STK24: variants seen among roughly 807,000 people sequenced by gnomAD.
STK24 encodes serine/threonine-protein kinase 24.
Under a neutral mutation model 55.6 loss-of-function variants are expected in STK24, and 21 were observed. The observed-to-expected ratio is 0.38, with a 90% CI of 0.27 to 0.54. The LOEUF (loss-of-function observed/expected upper bound fraction) is 0.54, where lower values mean the gene tolerates loss of function less well. Among genes scored for constraint, STK24 ranks in the 20% least tolerant of loss-of-function variants. The probability of loss-of-function intolerance (pLI) is 0.79; values close to 1 mark genes in which losing one functional copy is unlikely to be tolerated. For missense variants in STK24, 383 were observed against 538.4 expected (o/e 0.71, Z 2.86); for synonymous variants, 200 against 215.2 (o/e 0.93, Z 0.62).
At chr13:98,456,329 C>A (rs1461288498) in intron 10 of STK24, 7 of 362,672 alleles carry the variant, frequency 1.9e-5, no homozygotes. Flanking sequence ...CCCAGAAATC[C>A]CCCTCATGAT....
Position 98,453,038 on chromosome 13 carries a change from G to A in STK24, c.*135C>T. 2 of 928,442 alleles carry A rather than the reference G, an allele frequency of 2.2e-6. No individual in the cohort carries two copies. The highest frequency in any genetic ancestry group is 3.3e-6 in the Non-Finnish European group (2 of 607,886). The allele number at this position is 928,442 out of a possible 1,614,324, so 57.5% of individuals were successfully genotyped here. A position where few individuals can be genotyped will look rare whatever the true frequency, so the allele number is the denominator to read the frequency against. ...TGAAGACTGTGTGTGTCCCTGGACG[G>A]GCGCCTGGCGCTGGGGTGGCTCCCA... On this transcript the variant is annotated 3_prime_UTR_variant, in exon 11 of 11. Transcript: ENST00000539966.
chr13:98,497,674 T>C (rs1433116709), intron 2 of STK24, among the ~76,000 whole-genome samples: 5 of 152,218 alleles, frequency 3.3e-5, no homozygotes, highest in Non-Finnish European at 2.9e-5. Context: ...ACAAATTCTG[T>C]GGACCACCCA....
intron 10 of STK24, 21 bp from the exon 11 acceptor site, chr13:98,453,230 AG>A: frequency 6.2e-7 from 1 of 1,611,302 alleles, no homozygotes; most frequent in Non-Finnish European, 8.5e-7. Flanking sequence ...AGAGAGAGAG[AG>A]AAGTCAACAC....
At chr13:98,511,775 G>A (rs1365819088) in intron 2 of STK24, among the ~76,000 whole-genome samples, 2 of 150,148 alleles carry the variant, frequency 1.3e-5, no homozygotes, top group African/African-American at 4.9e-5. Context: ...GCCATGGGCG[G>A]GGGATGGTTC....
At chr13:98,476,240 G>GCCCCCCCCCCCCCCCCCCC (rs138129188) in intron 3 of STK24, among the ~76,000 whole-genome samples, 1 of 141,596 alleles carries the variant, frequency 7.1e-6, no homozygotes, top group Non-Finnish European at 1.5e-5. Context: ...CAGACGGGAA[G>GCCCCCCCCCCCCCCCCCCC]CCCCCCCCCG....
chr13:98,540,996 T>C (rs906271249), intron 1 of STK24, among the ~76,000 whole-genome samples: 7 of 152,100 alleles, frequency 4.6e-5, no homozygotes, highest in Admixed American at 2.0e-4. Context: ...CAAACCTCTG[T>C]GATTTAGCAG....
At chr13:98,453,288 C>CTTA in intron 10 of STK24, 79 bp from the exon 11 acceptor site, 1 of 1,442,332 alleles carries the variant, frequency 6.9e-7, no homozygotes, top group Admixed American at 2.1e-5. Context: ...TAACCAAAAT[C>CTTA]TTAGTTTTCA....
intron 1 of STK24, among the ~76,000 whole-genome samples, chr13:98,550,821 C>T (rs1198921842): frequency 5.3e-5 from 8 of 152,160 alleles, no homozygotes; most frequent in Non-Finnish European, 2.9e-5. Flanking sequence ...ATCATTTATA[C>T]AGCTTACTGC....
intron 3 of STK24, among the ~76,000 whole-genome samples, chr13:98,480,958 A>C (rs1231522914): frequency 6.6e-6 from 1 of 152,186 alleles, no homozygotes; most frequent in Admixed American, 6.5e-5. Context: ...ATGCTAAAGT[A>C]ACACAGCTAA....
intron 1 of STK24, among the ~76,000 whole-genome samples, chr13:98,569,427 C>A (rs72646407): frequency 1.3e-3 from 170 of 131,474 alleles, no homozygotes; most frequent in East Asian, 3.4e-3. Flanking sequence ...AAAAAAAAAA[C>A]AAAAAAAAAC....
intron 1 of STK24, among the ~76,000 whole-genome samples, chr13:98,566,554 C>G (rs1452487265): frequency 2.0e-5 from 3 of 152,252 alleles, no homozygotes; most frequent in Admixed American, 6.5e-5. Context: ...TCAGCAGAGA[C>G]CCTGAGGGTT....
chr13:98,489,546 G>A (rs1233523480), intron 2 of STK24, among the ~76,000 whole-genome samples: 2 of 152,220 alleles, frequency 1.3e-5, no homozygotes, highest in Non-Finnish European at 2.9e-5. Context: ...TCTAATGACA[G>A]AAAAGTGGGC....
chr13:98,445,376 G>GTTGT lies in STK24; in HGVS notation c.*7793_*7796dup, dbSNP rs1313206024. The GTTGT allele has an allele frequency of 7.2e-5, 11 of 152,276 alleles. No homozygotes were observed. Among genetic ancestry groups the GTTGT allele is most frequent in the African/African-American group, 1.2e-4 (5 of 41,462 alleles). The allele number at this position is 152,276 out of a possible 1,614,324, so 9.4% of individuals were successfully genotyped here. A position where few individuals can be genotyped will look rare whatever the true frequency, so the allele number is the denominator to read the frequency against. ...CACCAGTGCGTCAGGCCTGCTCAGA[G>GTTGT]TTGTTTGGAGGTAGCATGGACACAG... On this transcript the variant is annotated 3_prime_UTR_variant, in exon 11 of 11. Coordinates refer to ENST00000539966, the MANE Select transcript of STK24 (RefSeq NM_001032296.4).
chr13:98,487,565 T>G (rs1894854460), intron 2 of STK24, among the ~76,000 whole-genome samples: 1 of 152,144 alleles, frequency 6.6e-6, no homozygotes, highest in African/African-American at 2.4e-5. Context: ...GAAAAATAGT[T>G]ATGCACATAC....
intron 2 of STK24, among the ~76,000 whole-genome samples, chr13:98,515,522 TG>T (rs1213647373): frequency 7.0e-6 from 1 of 142,644 alleles, no homozygotes; most frequent in African/African-American, 2.6e-5. Context: ...ATTGGGGGGG[TG>T]GGGGGATTCA....
chr13:98,503,859 C>T (rs1168810319), intron 2 of STK24, among the ~76,000 whole-genome samples: 4 of 152,224 alleles, frequency 2.6e-5, no homozygotes, highest in Non-Finnish European at 4.4e-5. Context: ...CATGCCACGA[C>T]TCCCACTGAC....
At chr13:98,454,526 T>A (rs1317532873) in intron 10 of STK24, 1 of 152,190 alleles carries the variant, frequency 6.6e-6, no homozygotes, top group Non-Finnish European at 1.5e-5. Context: ...CCACGGAGCC[T>A]AAGACTCAAC....
In STK24 at chr13:98,448,362, C is replaced by T. The variant is rs763488415; in HGVS notation, c.*4811G>A. 3.4e-5 allele frequency: 49 copies of T among 1,420,922 alleles called. No individual in the cohort carries two copies. The highest frequency in any genetic ancestry group is 1.8e-4 in the Middle Eastern group (1 of 5,700). The allele number at this position is 1,420,922 out of a possible 1,614,324, so 88.0% of individuals were successfully genotyped here. On this transcript the variant is annotated 3_prime_UTR_variant, in exon 11 of 11. Coordinates refer to ENST00000539966, the MANE Select transcript of STK24 (RefSeq NM_001032296.4). ...CCGCAGTGGCTGCTTTCCTGGAAGA[C>T]GTTTCCTTTCTTCTGTATTAATGAA...
chr13:98,458,744 C>T (rs563791554), intron 9 of STK24, among the ~76,000 whole-genome samples: 31 of 152,314 alleles, frequency 2.0e-4, no homozygotes, highest in East Asian at 9.7e-4. Flanking sequence ...CCGTGTGGAA[C>T]GTGCTGGACC....
Sources: allele counts gnomAD v4.1 joint callset (sites outside exome capture counted in the v4.1 genomes callset), GRCh38; gene constraint gnomAD v4.1.1; transcripts MANE v1.5; gene names NCBI Gene and HGNC (gene_info 2026-07-23, HGNC 2026-07-21).